WWC1: variants seen among roughly 807,000 people sequenced by gnomAD.
The protein encoded by WWC1 is protein KIBRA.
In WWC1, 55 loss-of-function variants were observed where a neutral mutation model predicts 138.4. The ratio of observed to expected loss-of-function variants is 0.40; its 90% CI spans 0.32 to 0.50. WWC1 has a LOEUF of 0.50. Among genes scored for constraint, WWC1 ranks in the 20% least tolerant of loss-of-function variants. WWC1 has a pLI of 0.72. For synonymous variants in WWC1, 524 were observed against 564.9 expected, an observed-to-expected ratio of 0.93 and a Z score of 1.03; for missense variants, 1,226 against 1,420.4, an observed-to-expected ratio of 0.86 and a Z score of 2.20.
At chr5:168,342,999 A>G (rs1774171189) in intron 1 of WWC1, among the ~76,000 whole-genome samples, 3 of 152,122 alleles carry the variant, frequency 2.0e-5, no homozygotes, top group Non-Finnish European at 1.5e-5. Flanking sequence ...TGTAGGTTCC[A>G]AGGAAGGATT....
chr5:168,441,858 C>G, intron 16 of WWC1, 24 bp downstream of exon 16: 1 of 1,607,766 alleles, frequency 6.2e-7, no homozygotes, highest in Non-Finnish European at 8.5e-7. Context: ...AGGTGTGCCA[C>G]CTTCCCACAA....
At chr5:168,457,891 G>C (rs563558285) in intron 19 of WWC1, among the ~76,000 whole-genome samples, 4 of 152,356 alleles carry the variant, frequency 2.6e-5, no homozygotes, top group African/African-American at 9.6e-5. Flanking sequence ...GAATGAAGGA[G>C]AGAAAGAGTG....
intron 19 of WWC1, among the ~76,000 whole-genome samples, chr5:168,460,187 C>T (rs1057477543): frequency 1.3e-5 from 2 of 152,150 alleles, no homozygotes; most frequent in Admixed American, 6.5e-5. Context: ...AAGGCAGGCT[C>T]CATAGACACC....
At chr5:168,454,575 C>T (rs997851158) in intron 18 of WWC1, among the ~76,000 whole-genome samples, 1 of 152,194 alleles carries the variant, frequency 6.6e-6, no homozygotes. Context: ...GCACTAGGGT[C>T]ACATTACAGC....
chr5:168,424,042 G>A lies in WWC1; in HGVS notation c.1784G>A (p.Gly595Glu). Residue 595 changes from glycine to glutamate, a missense_variant, in exon 11 of 23, where the codon GGA (glycine) becomes GAA (glutamate). Around this residue, in one of 3 missense-constraint regions of WWC1, gnomAD observed 1,016 missense variants for 1,153.9 expected, o/e 0.88. Coordinates refer to ENST00000265293, the MANE Select transcript of WWC1 (RefSeq NM_015238.3). ...GAAAGATACCGGCTGGAGGAACCAG[G>A]AACGGAGGGCAAGCAGCTGGGCCAA... ...AQERYRLEEP[G>E]TEGKQLGQAV... The A allele has an allele frequency of 1.2e-6, 2 of 1,607,680 alleles. No homozygotes were observed. Among genetic ancestry groups the A allele is most frequent in the Non-Finnish European group, 1.7e-6 (2 of 1,176,760 alleles).
intron 1 of WWC1, among the ~76,000 whole-genome samples, chr5:168,295,482 C>CTGTGTGTGTGTG (rs1769457123): frequency 1.5e-5 from 1 of 67,818 alleles, no homozygotes; most frequent in African/African-American, 7.2e-5. Flanking sequence ...AATTTCTACT[C>CTGTGTGTGTGTG]CGTGTGTGTG....
chr5:168,385,127 G>T, intron 2 of WWC1, 84 bp from the exon 3 acceptor site: 1 of 1,445,452 alleles, frequency 6.9e-7, no homozygotes, highest in South Asian at 1.3e-5. Flanking sequence ...TTTGCTTTTT[G>T]TTTTCTGCTA....
intron 1 of WWC1, among the ~76,000 whole-genome samples, chr5:168,367,395 G>T (rs1196637356): frequency 6.6e-6 from 1 of 151,786 alleles, no homozygotes; most frequent in East Asian, 1.9e-4. Context: ...GCAGTGGCGG[G>T]ATCTCGGCTC....
intron 2 of WWC1, among the ~76,000 whole-genome samples, chr5:168,373,139 T>C (rs748942686): frequency 3.3e-5 from 5 of 152,196 alleles, no homozygotes; most frequent in Non-Finnish European, 7.3e-5. Context: ...CTTGGAGGGC[T>C]GCATGGGATG....
At chr5:168,365,683 T>A (rs567269681) in intron 1 of WWC1, among the ~76,000 whole-genome samples, 4 of 152,250 alleles carry the variant, frequency 2.6e-5, no homozygotes, top group African/African-American at 9.6e-5. Flanking sequence ...CCCCGACAGG[T>A]GTGCCTGTGT....
Position 168,431,377 on chromosome 5 carries a change from C to G in WWC1, c.2213C>G (p.Ala738Gly). ...TTCTGGGTATCCATGTCCTATCCAG[C>G]CCTTCACCAGAAGACCTTAAGAGTC... ...EVFWVSMSYP[A>G]LHQKTLRVDV... Residue 738 changes from alanine (A) to glycine (G), a missense_variant, in exon 15 of 23, where the codon GCC becomes GGC. Physicochemically the swap from Ala to Gly is moderately conservative, Grantham distance 60. Transcript: ENST00000265293. The G allele has an allele frequency of 6.2e-7, 1 of 1,614,104 alleles. No individual in the cohort carries two copies. The highest frequency in any genetic ancestry group is 1.3e-5 in the African/African-American group (1 of 75,028).
At chr5:168,440,817 T>G (rs935633033) in intron 15 of WWC1, among the ~76,000 whole-genome samples, 1 of 152,116 alleles carries the variant, frequency 6.6e-6, no homozygotes, top group South Asian at 2.1e-4. Flanking sequence ...GCGCCCGGCC[T>G]GAAAGCAGGT....
intron 3 of WWC1, among the ~76,000 whole-genome samples, chr5:168,394,211 A>G (rs946930867): frequency 5.3e-5 from 8 of 152,336 alleles, no homozygotes; most frequent in South Asian, 2.1e-4. Flanking sequence ...ATGCATGCAT[A>G]TAACTAGACA....
chr5:168,358,467 CA>C (rs1775625072), intron 1 of WWC1, among the ~76,000 whole-genome samples: 1 of 152,156 alleles, frequency 6.6e-6, no homozygotes, highest in Admixed American at 6.5e-5. Flanking sequence ...TTTGTCATCT[CA>C]TGGTAGGGAT....
intron 8 of WWC1, among the ~76,000 whole-genome samples, chr5:168,413,367 T>C (rs1423641343): frequency 6.6e-6 from 1 of 152,198 alleles, no homozygotes; most frequent in African/African-American, 2.4e-5. Flanking sequence ...GTGGATCTTA[T>C]TTTGGCCCAA....
intron 11 of WWC1, among the ~76,000 whole-genome samples, chr5:168,426,725 G>A (rs929064335): frequency 6.6e-6 from 1 of 152,204 alleles, no homozygotes; most frequent in African/African-American, 2.4e-5. Context: ...GACCCGCCTT[G>A]TCACCCATCG....
intron 3 of WWC1, among the ~76,000 whole-genome samples, chr5:168,391,346 T>C (rs1159106796): frequency 4.6e-5 from 7 of 152,026 alleles, no homozygotes; most frequent in Non-Finnish European, 8.8e-5. Flanking sequence ...CCAGGCAACA[T>C]TGCAAGATCT....
intron 2 of WWC1, among the ~76,000 whole-genome samples, chr5:168,374,555 G>A (rs1219722577): frequency 6.6e-6 from 1 of 152,218 alleles, no homozygotes; most frequent in East Asian, 1.9e-4. Context: ...ATAACATAAT[G>A]AGTGAGGAGA....
rs576407198 is a variant in WWC1, at chr5:168,358,046, C to T, written c.120-13378C>T. On this transcript the variant is annotated intron_variant, in intron 1 of 22. Coordinates refer to ENST00000265293, the MANE Select transcript of WWC1 (RefSeq NM_015238.3). ...GAGTGTGCAAACACTTGGGAATCCA[C>T]AGACTTGGGACCCTTGCATGTGGTG... is the stretch of plus-strand genomic sequence containing the variant. 2.0e-3 allele frequency among the ~76,000 whole-genome samples: 300 copies of T among 152,302 alleles called. 1 individual carries two copies. The highest frequency in any genetic ancestry group is 6.9e-3 in the African/African-American group (287 of 41,564).
Sources: allele counts gnomAD v4.1 joint callset (sites outside exome capture counted in the v4.1 genomes callset), GRCh38; gene constraint gnomAD v4.1.1; regional missense constraint gnomAD v4.1.1; transcripts MANE v1.5; gene names NCBI Gene and HGNC (gene_info 2026-07-23, HGNC 2026-07-21).